Variants in DCPS observed in about 807,000 individuals in gnomAD.
The protein encoded by DCPS is m7GpppX diphosphatase.
A neutral mutation model predicts 34.7 loss-of-function variants in DCPS; 27 were observed. The ratio of observed to expected loss-of-function variants is 0.78; its 90% CI spans 0.57 to 1.07. DCPS has a LOEUF of 1.07. Among genes scored for constraint, DCPS ranks in the 50% least tolerant of loss-of-function variants. The probability of loss-of-function intolerance (pLI) is 0.00; values close to 1 mark genes in which losing one functional copy is unlikely to be tolerated. For synonymous variants in DCPS, 185 were observed against 185.7 expected (o/e 1.00, Z 0.03); for missense variants, 464 against 436.9 (o/e 1.06, Z -0.55).
At position 126,346,345 on chromosome 11, in the gene DCPS, C is replaced by T. The variant is rs868298947; in HGVS notation, c.*732C>T. ...CATGAAGCAGCCAGAAGATCAAGTG[C>T]AAAACAGTGAATCAGCAAGGGCAAA... On this transcript the variant is annotated 3_prime_UTR_variant, in exon 6 of 6. Coordinates refer to ENST00000263579, the MANE Select transcript of DCPS (RefSeq NM_014026.6). The surrounding 1 kb of genome is among the most constrained non-coding windows in gnomAD (Gnocchi z 4.1). Among the ~76,000 whole-genome samples the T allele has an allele frequency of 2.6e-5, 4 of 152,210 alleles. No homozygotes were observed. The highest frequency in any genetic ancestry group is 9.6e-5 in the African/African-American group (4 of 41,536).
chr11:126,312,633 G>A lies in DCPS; in HGVS notation c.376+5889G>A, dbSNP rs546879334. 6.6e-6 allele frequency among the ~76,000 whole-genome samples: 1 copy of A among 152,068 alleles called. No homozygotes were observed. Among genetic ancestry groups the A allele is most frequent in the African/African-American group, 2.4e-5 (1 of 41,388 alleles). On this transcript the variant is annotated intron_variant, in intron 2 of 5. Transcript: ENST00000263579. This position sits in a 1 kb window ranked among gnomAD's most constrained non-coding sequence, Gnocchi z 5.1. The stretch of plus-strand genomic sequence containing the variant: ...TGGGATTACAGGAGTGAGCCACCAC[G>A]CCCAGCTGGTTTCCTTTTTTAAAAT...
In DCPS at chr11:126,348,230, C is replaced by T. The variant is rs1007791504; in HGVS notation, c.*2617C>T. 2.6e-5 allele frequency among the ~76,000 whole-genome samples: 4 copies of T among 152,154 alleles called. No homozygotes were observed. The highest frequency in any genetic ancestry group is 1.9e-4 in the East Asian group (1 of 5,186). The stretch of plus-strand genomic sequence containing the variant: ...GGGACCCACACTCTGGAAGGTTTCT[C>T]GACTCCCCCGAGGGGCTGGCCAGTT... On this transcript the variant is annotated 3_prime_UTR_variant, in exon 6 of 6. Coordinates refer to ENST00000263579, the MANE Select transcript of DCPS (RefSeq NM_014026.6). This position sits in a 1 kb window ranked among gnomAD's most constrained non-coding sequence, Gnocchi z 5.3.
In DCPS at chr11:126,320,734, T is replaced by C. The variant is rs578154885; in HGVS notation, c.377-10671T>C. ...GGGAAGATCACTTCAGTCCAGGACA[T>C]AGAGGCTGCACTCCAGCCTGGGAGA... is the stretch of plus-strand genomic sequence containing the variant. On this transcript the variant is annotated intron_variant, in intron 2 of 5. Coordinates refer to ENST00000263579, the MANE Select transcript of DCPS (RefSeq NM_014026.6). This position sits in a 1 kb window ranked among gnomAD's most constrained non-coding sequence, Gnocchi z 4.7. Among the ~76,000 whole-genome samples, 4 of 152,076 alleles carry C rather than the reference T, an allele frequency of 2.6e-5. No homozygotes were observed. The highest frequency in any genetic ancestry group is 9.6e-5 in the African/African-American group (4 of 41,476).
rs140739752 is a variant in DCPS, at chr11:126,348,763, A to C, written c.*3150A>C. Among the ~76,000 whole-genome samples the C allele has an allele frequency of 2.6e-4, 40 of 152,300 alleles. No individual in the cohort carries two copies. The highest frequency in any genetic ancestry group is 9.1e-4 in the African/African-American group (38 of 41,570). Reference sequence around the variant, plus strand: ...TGAGGGTAGGAGCTTTGTTTTAGTTATCTCTCTATCCCTGGCCCCTAAGAC... The same window carrying C: ...TGAGGGTAGGAGCTTTGTTTTAGTTCTCTCTCTATCCCTGGCCCCTAAGAC... On this transcript the variant is annotated 3_prime_UTR_variant, in exon 6 of 6. Transcript: ENST00000263579. The surrounding 1 kb of genome is among the most constrained non-coding windows in gnomAD (Gnocchi z 5.3).
chr11:126,324,751 TAGGCATGAGCCAC>T (rs1951729011), intron 2 of DCPS, among the ~76,000 whole-genome samples: 1 of 149,928 alleles, frequency 6.7e-6, no homozygotes. Context: ...GCTGGGACTA[TAGGCATGAGCCAC>T]TGTGCCTGGC....
chr11:126,322,556 G>A lies in DCPS; in HGVS notation c.377-8849G>A, dbSNP rs528085037. Among the ~76,000 whole-genome samples, 1 of 151,288 alleles carries A rather than the reference G, an allele frequency of 6.6e-6. No homozygotes were observed. Among genetic ancestry groups the A allele is most frequent in the Non-Finnish European group, 1.5e-5 (1 of 67,916 alleles). ...TGGGATTACAGGTGTTAGCCACTAT[G>A]CCCAGCCAGCATTCAGATTTTCTTT... On this transcript the variant is annotated intron_variant, in intron 2 of 5. Transcript: ENST00000263579. This position sits in a 1 kb window ranked among gnomAD's most constrained non-coding sequence, Gnocchi z 4.2.
chr11:126,324,512 T>G (rs1951727190), intron 2 of DCPS, among the ~76,000 whole-genome samples: 1 of 151,748 alleles, frequency 6.6e-6, no homozygotes. Context: ...TGGAGTGCAG[T>G]GGCGAGATCT....
chr11:126,311,128 T>A (rs1232856980), intron 2 of DCPS, among the ~76,000 whole-genome samples: 41 of 152,268 alleles, frequency 2.7e-4, no homozygotes, highest in Non-Finnish European at 4.4e-5. Flanking sequence ...TCCTTCCAGC[T>A]GCAATGTCCA....
At position 126,347,223 on chromosome 11, in the gene DCPS, CT is replaced by C. The variant is rs1229980101; in HGVS notation, c.*1630del. 0.083 allele frequency among the ~76,000 whole-genome samples: 10,197 copies of C among 122,682 alleles called. 343 individuals carry two copies. The highest frequency in any genetic ancestry group is 0.13 in the African/African-American group (4,372 of 32,640). 80.5% of individuals were successfully genotyped at this position (122,682 alleles called of 152,430 possible). ...CACTCAGCCATTCTTCCCTGCAGCT[CT>C]TTTTTTTTTTTTTTTTTTTGAGACA... On this transcript the variant is annotated 3_prime_UTR_variant, in exon 6 of 6. Coordinates refer to ENST00000263579, the MANE Select transcript of DCPS (RefSeq NM_014026.6). This position sits in a 1 kb window ranked among gnomAD's most constrained non-coding sequence, Gnocchi z 4.2.
In DCPS at chr11:126,322,853, A is replaced by G. The variant is rs574980079; in HGVS notation, c.377-8552A>G. The stretch of plus-strand genomic sequence containing the variant: ...GAAGCAAAAAAATTTTTTTGAGACA[A>G]TGTCTCACTTTGTTGCCAGGTTGGA... On this transcript the variant is annotated intron_variant, in intron 2 of 5. Coordinates refer to ENST00000263579, the MANE Select transcript of DCPS (RefSeq NM_014026.6). The surrounding 1 kb of genome is among the most constrained non-coding windows in gnomAD (Gnocchi z 4.2). 2.0e-5 allele frequency among the ~76,000 whole-genome samples: 3 copies of G among 152,182 alleles called. No homozygotes were observed. The highest frequency in any genetic ancestry group is 1.3e-4 in the Admixed American group (2 of 15,280).
intron 2 of DCPS, among the ~76,000 whole-genome samples, chr11:126,330,872 G>C (rs1387228306): frequency 6.6e-6 from 1 of 151,164 alleles, no homozygotes; most frequent in African/African-American, 2.4e-5. Flanking sequence ...GAGTAGCTGG[G>C]ATTACAGGCA....
rs547067488 is a variant in DCPS at position 126,333,345 on chromosome 11, G to A, written c.522+1795G>A. 6.6e-6 allele frequency among the ~76,000 whole-genome samples: 1 copy of A among 152,200 alleles called. No individual in the cohort carries two copies. Among genetic ancestry groups the A allele is most frequent in the Admixed American group, 6.5e-5 (1 of 15,284 alleles). On this transcript the variant is annotated intron_variant, in intron 3 of 5. Coordinates refer to ENST00000263579, the MANE Select transcript of DCPS (RefSeq NM_014026.6). The surrounding 1 kb of genome is among the most constrained non-coding windows in gnomAD (Gnocchi z 5.7). ...TACTATGGACCTGGTCCTATGCCAG[G>A]CTTTGGAGAGTCACCAAGATGATGA...
chr11:126,305,244 G>T, intron 1 of DCPS, among the ~76,000 whole-genome samples: 1 of 151,970 alleles, frequency 6.6e-6, no homozygotes. Flanking sequence ...CTGCCCAATA[G>T]CTGGGATTAC....
In DCPS at chr11:126,346,406, C is replaced by T. The variant is rs191924587; in HGVS notation, c.*793C>T. The stretch of plus-strand genomic sequence containing the variant: ...GCAGTTGAATACAAAAGCCCGGAGG[C>T]GGCTCGGGTTCAAGGCCTATCAGAG... On this transcript the variant is annotated 3_prime_UTR_variant, in exon 6 of 6. Coordinates refer to ENST00000263579, the MANE Select transcript of DCPS (RefSeq NM_014026.6). This position sits in a 1 kb window ranked among gnomAD's most constrained non-coding sequence, Gnocchi z 4.1. Among the ~76,000 whole-genome samples the T allele has an allele frequency of 7.9e-5, 12 of 152,328 alleles. No homozygotes were observed. Among genetic ancestry groups the T allele is most frequent in the Non-Finnish European group, 1.0e-4 (7 of 68,030 alleles).
rs240555 is a variant in DCPS, at chr11:126,332,190, A to G, written c.522+640A>G. On this transcript the variant is annotated intron_variant, in intron 3 of 5. Transcript: ENST00000263579. This position sits in a 1 kb window ranked among gnomAD's most constrained non-coding sequence, Gnocchi z 5.4. ...ACCGACTCCCCCTTGCATTCGTCCA[A>G]AAGAAGGCAGGACCCCATTGGCCCC... Among the ~76,000 whole-genome samples, 37,196 of 152,054 alleles carry G rather than the reference A, an allele frequency of 0.24. 4,579 individuals are homozygous for G. Among genetic ancestry groups the G allele is most frequent in the Admixed American group, 0.26 (4,030 of 15,276 alleles).
chr11:126,307,470 G>A (rs1409961320), intron 2 of DCPS, among the ~76,000 whole-genome samples: 4 of 151,964 alleles, frequency 2.6e-5, no homozygotes. Flanking sequence ...GAGTGCAGTG[G>A]CGCGATCTCG....
rs1951853190 is a variant in DCPS at position 126,338,545 on chromosome 11, C to T, written c.636+146C>T. 1.4e-6 allele frequency: 1 copy of T among 722,122 alleles called. No homozygotes were observed. The highest frequency in any genetic ancestry group is 2.4e-6 in the Non-Finnish European group (1 of 420,176). 44.7% of individuals were successfully genotyped at this position (722,122 alleles called of 1,614,324 possible). On this transcript the variant is annotated intron_variant, in intron 4 of 5. Coordinates refer to ENST00000263579, the MANE Select transcript of DCPS (RefSeq NM_014026.6). This position sits in a 1 kb window ranked among gnomAD's most constrained non-coding sequence, Gnocchi z 5.4. ...GGTTGGCCTGAGCTCTCTGTGGGGA[C>T]TGGGTGGATACCTGTCATACATAAG...
Position 126,337,609 on chromosome 11 carries a change from C to CT in DCPS, c.523-676dup. ...GCCCTGAAAGGTCTTGGTGAGGTCA[C>CT]TGTCTCTGTGTCTCTACATAGCTTT... is the stretch of plus-strand genomic sequence containing the variant. On this transcript the variant is annotated intron_variant, in intron 3 of 5. Transcript: ENST00000263579. This position sits in a 1 kb window ranked among gnomAD's most constrained non-coding sequence, Gnocchi z 5.3. 1 of 152,622 alleles carries CT rather than the reference C, an allele frequency of 6.6e-6. No homozygotes were observed. Among genetic ancestry groups the CT allele is most frequent in the East Asian group, 1.9e-4 (1 of 5,198 alleles). 9.5% of individuals were successfully genotyped at this position (152,622 alleles called of 1,614,324 possible).
rs1565373752 is a variant in DCPS, at chr11:126,320,210, T to G, written c.377-11195T>G. Among the ~76,000 whole-genome samples, 1 of 152,136 alleles carries G rather than the reference T, an allele frequency of 6.6e-6. No individual in the cohort carries two copies. Among genetic ancestry groups the G allele is most frequent in the African/African-American group, 2.4e-5 (1 of 41,424 alleles). On this transcript the variant is annotated intron_variant, in intron 2 of 5. Transcript: ENST00000263579. This position sits in a 1 kb window ranked among gnomAD's most constrained non-coding sequence, Gnocchi z 4.7. The stretch of plus-strand genomic sequence containing the variant: ...CCGTAATATATTCTGTTCTACAGAC[T>G]GTACTGTGAGGTCTAATCAGTGTCG...
Sources: gnomAD v4.1 joint callset for allele counts (sites outside exome capture counted in the v4.1 genomes callset) on GRCh38, gnomAD v4.1.1 for gene constraint, Gnocchi (gnomAD v3.1) non-coding constraint, MANE v1.5 for transcripts, NCBI Gene and HGNC (gene_info 2026-07-23, HGNC 2026-07-21) for gene names.